Variants in PTPRT observed in about 807,000 individuals in gnomAD.
PTPRT encodes receptor-type tyrosine-protein phosphatase T.
Under a neutral mutation model 176.8 loss-of-function variants are expected in PTPRT, and 56 were observed. The ratio of observed to expected loss-of-function variants is 0.32; its 90% confidence interval spans 0.26 to 0.40. The LOEUF (loss-of-function observed/expected upper bound fraction) is 0.40. Ranked by LOEUF, PTPRT falls within the 10% of genes least tolerant of loss-of-function variation. PTPRT has a pLI of 1.00. For missense variants in PTPRT, 1,540 were observed against 1,908.2 expected, an observed-to-expected ratio of 0.81 and a Z score of 3.60; for synonymous variants, 783 against 739.0, an observed-to-expected ratio of 1.06 and a Z score of -0.96.
chr20:42,374,572 T>C (rs914075458), intron 9 of PTPRT, among the ~76,000 whole-genome samples: 1 of 151,988 alleles, frequency 6.6e-6, no homozygotes, highest in Non-Finnish European at 1.5e-5. Flanking sequence ...ATGAAAAAGC[T>C]CTTACAAATC....
chr20:42,812,460 A>G (rs573489389), intron 2 of PTPRT, among the ~76,000 whole-genome samples: 2 of 152,220 alleles, frequency 1.3e-5, no homozygotes, highest in South Asian at 4.1e-4. Flanking sequence ...TACTCTAGAT[A>G]TTACTTATAA....
chr20:43,043,923 C>T (rs1258854686), intron 1 of PTPRT, among the ~76,000 whole-genome samples: 1 of 152,088 alleles, frequency 6.6e-6, no homozygotes, highest in Non-Finnish European at 1.5e-5. Context: ...TTTCTCCTTC[C>T]TCTGTCTGCT....
intron 1 of PTPRT, among the ~76,000 whole-genome samples, chr20:42,943,450 G>A (rs560378636): frequency 6.6e-6 from 1 of 152,244 alleles, no homozygotes; most frequent in East Asian, 1.9e-4. Flanking sequence ...AATGAGAAGA[G>A]CTGTCCACTG....
At chr20:42,175,420 G>A (rs180995105) in intron 16 of PTPRT, among the ~76,000 whole-genome samples, 24 of 152,118 alleles carry the variant, frequency 1.6e-4, no homozygotes, top group African/African-American at 5.5e-4. Flanking sequence ...CCAAGGCCAC[G>A]TGGACTCCTA....
At chr20:42,666,434 A>G (rs905935026) in intron 7 of PTPRT, among the ~76,000 whole-genome samples, 4 of 152,178 alleles carry the variant, frequency 2.6e-5, no homozygotes, top group Non-Finnish European at 5.9e-5. Flanking sequence ...TAATTATTAT[A>G]GTTTTTACAA....
chr20:42,291,877 T>G (rs967157122), intron 12 of PTPRT, among the ~76,000 whole-genome samples: 3 of 152,094 alleles, frequency 2.0e-5, no homozygotes, highest in African/African-American at 7.2e-5. Flanking sequence ...AAAGAGCTAT[T>G]TAGGCAGGAA....
At chr20:42,272,902 G>A (rs897271194) in intron 13 of PTPRT, among the ~76,000 whole-genome samples, 11 of 152,114 alleles carry the variant, frequency 7.2e-5, no homozygotes, top group African/African-American at 2.4e-4. Flanking sequence ...TACTCCCTTG[G>A]CTTGAAGGCT....
At chr20:42,941,857 T>C (rs1980575589) in intron 1 of PTPRT, among the ~76,000 whole-genome samples, 3 of 152,142 alleles carry the variant, frequency 2.0e-5, no homozygotes, top group African/African-American at 7.2e-5. Context: ...CTTTAATGGA[T>C]GAGAGGCAAC....
intron 7 of PTPRT, among the ~76,000 whole-genome samples, chr20:42,581,229 A>G (rs1020068315): frequency 6.6e-6 from 1 of 152,260 alleles, no homozygotes; most frequent in East Asian, 1.9e-4. Flanking sequence ...CTTTGTCAAT[A>G]TATCACTTCC....
At chr20:42,969,670 G>A (rs1318223207) in intron 1 of PTPRT, 1 of 152,104 alleles carries the variant, frequency 6.6e-6, no homozygotes, top group East Asian at 1.9e-4. Flanking sequence ...TCGTAAGTTT[G>A]GTACAGACTT....
intron 2 of PTPRT, among the ~76,000 whole-genome samples, chr20:42,793,324 AC>A (rs1237426345): frequency 6.6e-6 from 1 of 150,970 alleles, no homozygotes; most frequent in East Asian, 1.9e-4. Flanking sequence ...CTCATCTCTC[AC>A]CCCCATCCCA....
At chr20:42,812,206 T>C (rs1343541202) in intron 2 of PTPRT, among the ~76,000 whole-genome samples, 1 of 152,030 alleles carries the variant, frequency 6.6e-6, no homozygotes, top group Non-Finnish European at 1.5e-5. Flanking sequence ...CTGGAATACA[T>C]TGTCTCTTTA....
At chr20:42,821,117 A>G (rs1176207039) in intron 2 of PTPRT, among the ~76,000 whole-genome samples, 1 of 152,220 alleles carries the variant, frequency 6.6e-6, no homozygotes, top group Non-Finnish European at 1.5e-5. Flanking sequence ...AAAAAGGAAA[A>G]CTTCAGGCCA....
chr20:42,053,003 G>T, the PTPRT span, among the ~76,000 whole-genome samples: 3 of 152,306 alleles, frequency 2.0e-5, no homozygotes, highest in African/African-American at 7.2e-5. Flanking sequence ...CGTCAACTCT[G>T]CCATAGACAA....
At chr20:42,531,215 G>A (rs1467371603) in intron 7 of PTPRT, among the ~76,000 whole-genome samples, 1 of 152,122 alleles carries the variant, frequency 6.6e-6, no homozygotes, top group Non-Finnish European at 1.5e-5. Context: ...GTTCTGAAAT[G>A]TTTTGCAATG....
At chr20:43,128,378 C>T (rs2013524576) in intron 1 of PTPRT, among the ~76,000 whole-genome samples, 3 of 152,250 alleles carry the variant, frequency 2.0e-5, no homozygotes, top group African/African-American at 7.2e-5. Context: ...ATTGCTACAT[C>T]TATCCTATCT....
intron 6 of PTPRT, among the ~76,000 whole-genome samples, chr20:42,721,721 C>T (rs1009403822): frequency 2.0e-5 from 3 of 152,222 alleles, no homozygotes; most frequent in African/African-American, 4.8e-5. Context: ...GTTTCATAGT[C>T]AGGTTTCTGG....
intron 9 of PTPRT, among the ~76,000 whole-genome samples, chr20:42,445,158 T>C (rs2059351572): frequency 2.6e-5 from 4 of 152,328 alleles, no homozygotes; most frequent in African/African-American, 7.2e-5. Flanking sequence ...GCAAGACATC[T>C]GTACCTGCAT....
intron 4 of PTPRT, among the ~76,000 whole-genome samples, chr20:42,776,828 A>G (rs1477397687): frequency 6.7e-6 from 1 of 148,614 alleles, no homozygotes; most frequent in Admixed American, 6.8e-5. Flanking sequence ...TCACATTTAT[A>G]TAATATATAC....
Sources: allele counts gnomAD v4.1 joint callset (sites outside exome capture counted in the v4.1 genomes callset), GRCh38; gene constraint gnomAD v4.1.1; transcripts MANE v1.5; gene names NCBI Gene and HGNC (gene_info 2026-07-23, HGNC 2026-07-21).